Variants in MARF1 observed in about 807,000 individuals in gnomAD.
The protein encoded by MARF1 is limkain-b1.
A neutral mutation model predicts 168.2 loss-of-function variants in MARF1; 24 were observed. The ratio of observed to expected loss-of-function variants is 0.14; its 90% CI spans 0.10 to 0.20. MARF1 has a LOEUF of 0.20. Ranked by LOEUF, MARF1 falls within the 10% of genes least tolerant of loss-of-function variation. The probability of loss-of-function intolerance (pLI) is 1.00; values close to 1 mark genes in which losing one functional copy is unlikely to be tolerated. For synonymous variants in MARF1, 868 were observed against 822.4 expected (o/e 1.06, Z -0.95); for missense variants, 1,744 against 2,143.6 (o/e 0.81, Z 3.68).
intron 7 of MARF1, among the ~76,000 whole-genome samples, chr16:15,627,371 G>C (rs1306726625): frequency 1.3e-5 from 2 of 152,264 alleles, no homozygotes; most frequent in African/African-American, 4.8e-5. Context: ...TGTAATCCCA[G>C]CACTTTGCGA....
In MARF1 at chr16:15,624,901, A is replaced by G. The variant is rs2034729843; in HGVS notation, c.2138T>C (p.Val713Ala). The G allele has an allele frequency of 5.6e-6, 9 of 1,614,164 alleles. No individual in the cohort carries two copies. In the East Asian group the frequency reaches 2.0e-4, roughly 36 times the overall value. Residue 713 changes from valine (V) to alanine (A), a missense_variant, in exon 10 of 27, where the codon GTT (valine) becomes GCT (alanine). Transcript: ENST00000396368. ...TTTTTTCTCTACAGGAGAACTGGTA[A>G]CACTTCGGGCACTGAGGTTCTCCTT... The part of the protein sequence containing the change: ...QKKENLSARS[V>A]TSSPVEKKDK...
At chr16:15,635,618 T>C (rs1207938131) in intron 3 of MARF1, 38 bp downstream of exon 3, 2 of 1,565,010 alleles carry the variant, frequency 1.3e-6, no homozygotes, top group African/African-American at 2.7e-5. Flanking sequence ...TCCTCAATCC[T>C]CAGCTGCACC....
Position 15,599,606 on chromosome 16 carries a change from C to T in MARF1, c.4814-582G>A, listed in dbSNP as rs141578868. Among the ~76,000 whole-genome samples, 34 of 152,278 alleles carry T rather than the reference C, an allele frequency of 2.2e-4. No homozygotes were observed. The East Asian group carries it at 5.8e-3, about 26-fold the overall frequency. ...AGGGGACGGTAACGTGCTATCTCGCCGCATGTTATGAAGACAAAATTCTCA... is the reference window on the plus strand; with the variant it reads ...AGGGGACGGTAACGTGCTATCTCGCTGCATGTTATGAAGACAAAATTCTCA... On this transcript the variant is annotated intron_variant, in intron 25 of 26. Transcript: ENST00000396368.
chr16:15,616,931 AC>A (rs2034097210), intron 15 of MARF1, 120 bp downstream of exon 15: 4 of 1,381,764 alleles, frequency 2.9e-6, no homozygotes, highest in Non-Finnish European at 4.0e-6. Flanking sequence ...TGAAGGCTAA[AC>A]ACATGAGGAT....
Position 15,634,714 on chromosome 16 carries a change from A to G in MARF1, c.1006+43T>C, listed in dbSNP as rs185189744. On this transcript the variant is annotated intron_variant, in intron 4 of 26. Coordinates refer to ENST00000396368, the MANE Select transcript of MARF1 (RefSeq NM_014647.4). ...ATGCAATGTTAGTATGAGATATTGA[A>G]AGCTATTTAAATATGCACATTTTAT... The G allele has an allele frequency of 1.1e-4, 177 of 1,572,582 alleles. No homozygotes were observed. In the East Asian group the frequency reaches 3.3e-3, roughly 29 times the overall value.
Position 15,621,826 on chromosome 16 carries a change from G to A in MARF1, c.2546C>T (p.Ala849Val). 1 of 1,614,082 alleles carries A rather than the reference G, an allele frequency of 6.2e-7. No individual in the cohort carries two copies. Among genetic ancestry groups the A allele is most frequent in the Non-Finnish European group, 8.5e-7 (1 of 1,179,962 alleles). ...TTTGTATCTGTGGAGGCTATTCACTGCACCGATCGCATCTTGTAAGTTTTC... is the reference window on the plus strand; with the variant it reads ...TTTGTATCTGTGGAGGCTATTCACTACACCGATCGCATCTTGTAAGTTTTC... Reference protein sequence around the residue: ...QMENLQDAIGAVNSLHRYKIG... With the variant: ...QMENLQDAIGVVNSLHRYKIG... The change falls in exon 12 of 27, where the codon GCA (alanine) becomes GTA (valine). Residue 849 changes from alanine (A) to valine (V), a missense_variant. Ala to Val is a moderately conservative substitution (Grantham distance 64). Transcript: ENST00000396368.
chr16:15,602,072 A>G lies in MARF1; in HGVS notation c.4545T>C (p.Tyr1515=). 1 of 1,614,200 alleles carries G rather than the reference A, an allele frequency of 6.2e-7. No homozygotes were observed. The highest frequency in any genetic ancestry group is 8.5e-7 in the Non-Finnish European group (1 of 1,180,014). The stretch of plus-strand genomic sequence containing the variant: ...GCAGAGTTTCTCCGACATACTTGGT[A>G]TAGGCCATGGAAAACTCATGAAGGA... ...QIFLHEFSMA[Y]TKYVGETLQP... The change falls in exon 23 of 27, where the codon TAT becomes TAC. Residue 1515 remains tyrosine, a synonymous_variant. Coordinates refer to ENST00000396368, the MANE Select transcript of MARF1 (RefSeq NM_014647.4).
chr16:15,630,803 A>C (rs2035200559), intron 6 of MARF1, among the ~76,000 whole-genome samples: 1 of 137,232 alleles, frequency 7.3e-6, no homozygotes, highest in Admixed American at 7.3e-5. Flanking sequence ...AGCACAAGGT[A>C]AAAAAAAAAA....
Position 15,617,510 on chromosome 16 carries a change from C to G in MARF1, c.2746G>C (p.Asp916His). The change falls in exon 14 of 27, where the codon GAT becomes CAT. Residue 916 changes from aspartate to histidine, a missense_variant. Around this residue, in one of 7 missense-constraint regions of MARF1, gnomAD observed 543 missense variants for 742.1 expected, o/e 0.73. Coordinates refer to ENST00000396368, the MANE Select transcript of MARF1 (RefSeq NM_014647.4). ...ACCGTGTCTGTTAATTTATATAGAT[C>G]TGACACATTCAACTTGTGTCCAAAC... Reference protein sequence around the residue: ...KKFGHKLNVSDLYKLTDTVAI... With the variant: ...KKFGHKLNVSHLYKLTDTVAI... 3 of 1,612,446 alleles carry G rather than the reference C, an allele frequency of 1.9e-6. No individual in the cohort carries two copies. The East Asian group carries it at 6.7e-5, about 36-fold the overall frequency.
In MARF1 at chr16:15,624,756, A is replaced by C. The variant is rs1322921713; in HGVS notation, c.2270+13T>G. 1 of 1,612,222 alleles carries C rather than the reference A, an allele frequency of 6.2e-7. No individual in the cohort carries two copies. Among genetic ancestry groups the C allele is most frequent in the African/African-American group, 1.3e-5 (1 of 74,796 alleles). On this transcript the variant is annotated intron_variant, in intron 10 of 26. Coordinates refer to ENST00000396368, the MANE Select transcript of MARF1 (RefSeq NM_014647.4). ...CATGTAACCACCCCCATGGGTCAAG[A>C]AGCTGGACTCACCTAGAAGACCAAG...
At chr16:15,605,187 A>G (rs1163786517) in intron 21 of MARF1, among the ~76,000 whole-genome samples, 1 of 152,178 alleles carries the variant, frequency 6.6e-6, no homozygotes, top group Non-Finnish European at 1.5e-5. Context: ...GAGCTTTGGC[A>G]CACACACGGC....
intron 22 of MARF1, among the ~76,000 whole-genome samples, chr16:15,603,734 C>T (rs1375307870): frequency 3.3e-5 from 5 of 150,388 alleles, no homozygotes; most frequent in African/African-American, 1.2e-4. Flanking sequence ...AAGATTCTCT[C>T]AATCTTGGAG....
chr16:15,598,121 C>G (rs567121496), intron 26 of MARF1, among the ~76,000 whole-genome samples: 2 of 152,160 alleles, frequency 1.3e-5, no homozygotes, highest in East Asian at 3.9e-4. Flanking sequence ...ATGGGCCATC[C>G]TCTCCAGAGG....
At position 15,636,011 on chromosome 16, in the gene MARF1, G is replaced by A. The variant is rs367599758; in HGVS notation, c.476C>T (p.Ser159Leu). Residue 159 changes from serine to leucine, a missense_variant, in exon 3 of 27, where the codon TCA becomes TTA. By Grantham distance (145) the Ser-to-Leu change is moderately radical. Transcript: ENST00000396368. ...GTTCCTAGCTGAGGCATTCTGGAGT[G>A]AAGATGCAGACTGGAAAGCAAACCC... ...GSGFAFQSAS[S>L]LQNASARNNL... 14 of 1,614,096 alleles carry A rather than the reference G, an allele frequency of 8.7e-6. No homozygotes were observed. In the African/African-American group the frequency reaches 1.7e-4, roughly 20 times the overall value.
In MARF1 at chr16:15,615,485, CGTGGTGGCTG is replaced by C. The variant is rs558857080; in HGVS notation, c.3253+335_3253+344del. Among the ~76,000 whole-genome samples, 46 of 152,054 alleles carry C rather than the reference CGTGGTGGCTG, an allele frequency of 3.0e-4. 2 individuals are homozygous for C. The South Asian group carries it at 9.6e-3, about 32-fold the overall frequency. ...CTAAAAATACAAAAAATTAGCTGGG[CGTGGTGGCTG>C]GTGCCTGTAGTCCCAGCTACTCGGG... is the stretch of plus-strand genomic sequence containing the variant. On this transcript the variant is annotated intron_variant, in intron 16 of 26. Transcript: ENST00000396368.
chr16:15,608,260 GAAAAA>G (rs748965777), intron 21 of MARF1, 26 bp downstream of exon 21: 998 of 827,790 alleles, frequency 1.2e-3, no homozygotes, highest in Middle Eastern at 2.0e-3. Context: ...TCCCATGAGG[GAAAAA>G]AAAAAAAAAA....
Position 15,611,028 on chromosome 16 carries a change from G to A in MARF1, c.3698C>T (p.Thr1233Ile). The A allele has an allele frequency of 6.2e-7, 1 of 1,613,592 alleles. No homozygotes were observed. Among genetic ancestry groups the A allele is most frequent in the Non-Finnish European group, 8.5e-7 (1 of 1,179,536 alleles). Residue 1233 changes from threonine (T) to isoleucine (I), a missense_variant, in exon 19 of 27, where the codon ACC becomes ATC. Physicochemically the swap from Thr to Ile is moderately conservative, Grantham distance 89. Coordinates refer to ENST00000396368, the MANE Select transcript of MARF1 (RefSeq NM_014647.4). ...IDIVSEIPDTTICLSQQDNEM... is the reference protein window; with the variant it reads ...IDIVSEIPDTIICLSQQDNEM... ...ATTATCTTGTTGGGACAAGCAGATG[G>A]TTGTGTCTGGAATCTCTGATACGAT... is the stretch of plus-strand genomic sequence containing the variant.
At chr16:15,620,745 A>AT (rs1174553874) in intron 12 of MARF1, among the ~76,000 whole-genome samples, 1 of 152,238 alleles carries the variant, frequency 6.6e-6, no homozygotes, top group African/African-American at 2.4e-5. Context: ...AGTATCAATC[A>AT]TAGGGTTTTC....
intron 23 of MARF1, chr16:15,601,310 G>A (rs2032399983): frequency 2.9e-6 from 1 of 342,688 alleles, no homozygotes; most frequent in Admixed American, 3.9e-5. Context: ...ATCTAACACT[G>A]ACCCAGACCT....
Sources: allele counts gnomAD v4.1 joint callset (sites outside exome capture counted in the v4.1 genomes callset), GRCh38; gene constraint gnomAD v4.1.1; regional missense constraint gnomAD v4.1.1; transcripts MANE v1.5; gene names NCBI Gene and HGNC (gene_info 2026-07-23, HGNC 2026-07-21).